Variants in PKHD1L1 observed in about 807,000 individuals in gnomAD.
The protein encoded by PKHD1L1 is fibrocystin-L.
In PKHD1L1, 434 loss-of-function variants were observed where a neutral mutation model predicts 462.9. That is an observed-to-expected ratio of 0.94 (90% confidence interval 0.87 to 1.02). PKHD1L1 has a LOEUF of 1.02. Among genes scored for constraint, PKHD1L1 ranks in the 50% least tolerant of loss-of-function variants. The pLI, the probability that PKHD1L1 is intolerant of heterozygous loss-of-function variation, is 0.00. For synonymous variants in PKHD1L1, 1,781 were observed against 1,750.0 expected (o/e 1.02, Z -0.44); for missense variants, 5,202 against 5,096.1 (o/e 1.02, Z -0.63).
chr8:109,448,597 T>C (rs995164003), intron 39 of PKHD1L1, among the ~76,000 whole-genome samples: 4 of 151,686 alleles, frequency 2.6e-5, no homozygotes, highest in Admixed American at 2.0e-4. Context: ...TTGCAAGCTC[T>C]GCCTCCCAGG....
chr8:109,384,120 A>C lies in PKHD1L1; in HGVS notation c.468A>C (p.Gly156=). 6.2e-7 allele frequency: 1 copy of C among 1,610,010 alleles called. No individual in the cohort carries two copies. The highest frequency in any genetic ancestry group is 8.5e-7 in the Non-Finnish European group (1 of 1,176,694). Residue 156 remains glycine, a synonymous_variant, in exon 5 of 78, where the codon GGA becomes GGC. Coordinates refer to ENST00000378402, the MANE Select transcript of PKHD1L1 (RefSeq NM_177531.6). ...TAAGAAGCATCACACCTTTATCTGGAACTCCAGGTCTGTTATATGACATCT... is the reference window on the plus strand; with the variant it reads ...TAAGAAGCATCACACCTTTATCTGGCACTCCAGGTCTGTTATATGACATCT... ...PTIRSITPLS[G]TPGTLITIQG... is the part of the protein sequence containing the mutation.
chr8:109,526,693 T>G, intron 76 of PKHD1L1, 91 bp from the exon 77 acceptor site: 2 of 1,068,804 alleles, frequency 1.9e-6, no homozygotes, highest in Non-Finnish European at 2.7e-6. Context: ...ATCTATATAG[T>G]GTTTTTCAGT....
At chr8:109,470,635 C>T (rs1319293716) in intron 50 of PKHD1L1, 1 of 1,540,062 alleles carries the variant, frequency 6.5e-7, no homozygotes, top group Non-Finnish European at 8.8e-7. Flanking sequence ...AGTGTCCCAA[C>T]TAGAATTGAA....
At chr8:109,484,919 C>T (rs1055894208) in intron 57 of PKHD1L1, 125 bp from the exon 58 acceptor site, 1 of 738,764 alleles carries the variant, frequency 1.4e-6, no homozygotes, top group Admixed American at 3.3e-5. Context: ...ACTGTTTATT[C>T]TTTCTGATAA....
chr8:109,493,645 T>C lies in PKHD1L1; in HGVS notation c.10237-16T>C, dbSNP rs767293521. On this transcript the variant is annotated splice_polypyrimidine_tract_variant and intron_variant, in intron 62 of 77. Coordinates refer to ENST00000378402, the MANE Select transcript of PKHD1L1 (RefSeq NM_177531.6). ...CTAGCCTGATGCACAGTATTTTTTT[T>C]TAATCATTGCACTAGATAAATAGAG... The C allele has an allele frequency of 4.6e-6, 7 of 1,531,868 alleles. No individual in the cohort carries two copies. The highest frequency in any genetic ancestry group is 6.3e-6 in the Non-Finnish European group (7 of 1,119,532). 94.9% of individuals were successfully genotyped at this position (1,531,868 alleles called of 1,614,324 possible). A position where few individuals can be genotyped will look rare whatever the true frequency, so the allele number is the denominator to read the frequency against.
intron 41 of PKHD1L1, among the ~76,000 whole-genome samples, chr8:109,451,698 T>C (rs746649750): frequency 2.6e-5 from 4 of 152,206 alleles, no homozygotes; most frequent in Non-Finnish European, 5.9e-5. Flanking sequence ...TAGAAGCTCA[T>C]TGTAACTCCT....
rs192242098 is a variant in PKHD1L1, at chr8:109,457,990, T to A, written c.7004+1599T>A. ...CCCCCACAATTTCTTCCCTCTATCT[T>A]TTGGAATGATTCTTGTCCCCATCCA... is the stretch of plus-strand genomic sequence containing the variant. On this transcript the variant is annotated intron_variant, in intron 46 of 77. Coordinates refer to ENST00000378402, the MANE Select transcript of PKHD1L1 (RefSeq NM_177531.6). 2.0e-3 allele frequency among the ~76,000 whole-genome samples: 306 copies of A among 152,180 alleles called. 1 individual carries two copies. The highest frequency in any genetic ancestry group is 1.6e-3 in the Non-Finnish European group (109 of 67,968).
At chr8:109,437,800 A>G (rs181116668) in intron 30 of PKHD1L1, among the ~76,000 whole-genome samples, 1 of 152,272 alleles carries the variant, frequency 6.6e-6, no homozygotes, top group Non-Finnish European at 1.5e-5. Context: ...AATAAATACT[A>G]GATGTGAAAA....
At chr8:109,465,286 A>C in intron 49 of PKHD1L1, 41 bp downstream of exon 49, 1 of 1,572,460 alleles carries the variant, frequency 6.4e-7, no homozygotes, top group Non-Finnish European at 8.6e-7. Context: ...TCCATTGGAA[A>C]TATGTTTGTG....
intron 21 of PKHD1L1, among the ~76,000 whole-genome samples, chr8:109,416,775 C>G (rs1814196451): frequency 6.6e-6 from 1 of 152,152 alleles, no homozygotes; most frequent in Non-Finnish European, 1.5e-5. Flanking sequence ...AGTCCATAAA[C>G]AGAATGATTA....
chr8:109,522,186 G>A lies in PKHD1L1; in HGVS notation c.12032G>A (p.Gly4011Asp). 6.3e-7 allele frequency: 1 copy of A among 1,596,274 alleles called. No homozygotes were observed. Among genetic ancestry groups the A allele is most frequent in the Non-Finnish European group, 8.6e-7 (1 of 1,165,632 alleles). The change falls in exon 74 of 78, where the codon GGT (glycine) becomes GAT (aspartate). Residue 4011 changes from glycine (G) to aspartate (D), a missense_variant and splice_region_variant. By Grantham distance (94) the Gly-to-Asp change is moderately conservative. Around this residue, in one of 3 missense-constraint regions of PKHD1L1, gnomAD observed 698 missense variants for 736.3 expected, o/e 0.95. Transcript: ENST00000378402. ...AATGTCATAATACTTTTCCCCATAG[G>A]TCAGATGCAGTTATCTGAACTCCAG... The part of the protein sequence containing the change: ...PIQFISNGTT[G>D]QMQLSELQEI...
intron 44 of PKHD1L1, 105 bp from the exon 45 acceptor site, chr8:109,454,618 A>T: frequency 1.4e-6 from 2 of 1,465,116 alleles, no homozygotes; most frequent in Non-Finnish European, 9.2e-7. Flanking sequence ...TGAGCAATTA[A>T]TTCTCAAAAG....
chr8:109,461,321 G>A (rs1047983796), intron 47 of PKHD1L1, among the ~76,000 whole-genome samples: 2 of 152,110 alleles, frequency 1.3e-5, no homozygotes, highest in Admixed American at 1.3e-4. Flanking sequence ...TTATCACAAT[G>A]TACATGAAAC....
chr8:109,528,410 TC>T (rs1357195235), intron 77 of PKHD1L1, among the ~76,000 whole-genome samples: 5 of 152,158 alleles, frequency 3.3e-5, no homozygotes, highest in Admixed American at 6.5e-5. Context: ...CCTCAACTAT[TC>T]CTCACTACAT....
chr8:109,520,095 G>A (rs1820472345), intron 73 of PKHD1L1, among the ~76,000 whole-genome samples: 1 of 152,122 alleles, frequency 6.6e-6, no homozygotes, highest in African/African-American at 2.4e-5. Context: ...AGGCTTGCCT[G>A]TGTGGAGGGA....
intron 70 of PKHD1L1, 47 bp downstream of exon 70, chr8:109,508,311 G>C (rs370897083): frequency 1.3e-6 from 2 of 1,511,588 alleles, no homozygotes. Context: ...AACATTGCTT[G>C]TTATTAAATG....
At chr8:109,515,465 TA>T (rs1237473838) in intron 72 of PKHD1L1, among the ~76,000 whole-genome samples, 160 bp downstream of exon 72, 8 of 152,168 alleles carry the variant, frequency 5.3e-5, no homozygotes, top group Non-Finnish European at 8.8e-5. Context: ...TTTTCATTTG[TA>T]ACATGAGTGT....
chr8:109,433,029 T>G, intron 27 of PKHD1L1, 77 bp from the exon 28 acceptor site: 1 of 1,062,778 alleles, frequency 9.4e-7, no homozygotes, highest in Non-Finnish European at 1.4e-6. Context: ...TATTTTTATT[T>G]GAGAAATGTC....
chr8:109,447,291 G>A (rs1030556962), intron 38 of PKHD1L1, among the ~76,000 whole-genome samples: 7 of 151,990 alleles, frequency 4.6e-5, no homozygotes, highest in Admixed American at 1.3e-4. Flanking sequence ...TATCTGTCAC[G>A]TTTAAAATAA....
Sources: gnomAD v4.1 joint callset for allele counts (sites outside exome capture counted in the v4.1 genomes callset) on GRCh38, gnomAD v4.1.1 for gene constraint, gnomAD v4.1.1 regional missense constraint, MANE v1.5 for transcripts, NCBI Gene and HGNC (gene_info 2026-07-23, HGNC 2026-07-21) for gene names.